The following TET2 variants were observed in gnomAD, a reference collection of about 807,000 sequenced individuals.
The protein encoded by TET2 is tet methylcytosine dioxygenase 2.
In TET2, 299 loss-of-function variants were observed where a neutral mutation model predicts 142.9. The ratio of observed to expected loss-of-function variants is 2.09; its 90% CI spans 1.90 to 2.30. TET2 has a LOEUF of 2.30. TET2 is among the 30% of genes most tolerant of loss of function. The probability of loss-of-function intolerance (pLI) is 0.00; values close to 1 mark genes in which losing one functional copy is unlikely to be tolerated. For synonymous variants in TET2, 819 were observed against 849.0 expected, an observed-to-expected ratio of 0.96 and a Z score of 0.61; for missense variants, 2,418 against 2,378.0, an observed-to-expected ratio of 1.02 and a Z score of -0.35.
chr4:105,155,541 G>A (rs550620171), intron 1 of TET2, among the ~76,000 whole-genome samples: 1 of 152,322 alleles, frequency 6.6e-6, no homozygotes, highest in East Asian at 1.9e-4. Flanking sequence ...CACACAGGGT[G>A]AATTACTTGG....
chr4:105,183,854 T>C (rs1168087516), intron 1 of TET2, among the ~76,000 whole-genome samples: 1 of 152,226 alleles, frequency 6.6e-6, no homozygotes, highest in Non-Finnish European at 1.5e-5. Flanking sequence ...CAAGTTACCT[T>C]TCTTTGCCCC....
intron 9 of TET2, among the ~76,000 whole-genome samples, chr4:105,271,651 C>T (rs1730969407): frequency 6.6e-6 from 1 of 152,202 alleles, no homozygotes; most frequent in South Asian, 2.1e-4. Flanking sequence ...ATTGTGATCA[C>T]ATTTCTCTCA....
chr4:105,211,430 A>G (rs1727153304), intron 2 of TET2, among the ~76,000 whole-genome samples: 1 of 152,206 alleles, frequency 6.6e-6, no homozygotes, highest in South Asian at 2.1e-4. Flanking sequence ...GTTAAAGATA[A>G]ATAAATAAAT....
At chr4:105,190,548 A>G in intron 2 of TET2, 43 bp downstream of exon 2, 1 of 694,338 alleles carries the variant, frequency 1.4e-6, no homozygotes. Context: ...TCAAGTATGA[A>G]TTTATTCCTA....
rs1393519636 is a variant in TET2 at position 105,151,196 on chromosome 4, C to G, written c.-193+4217C>G. On this transcript the variant is annotated intron_variant, in intron 1 of 10. Coordinates refer to ENST00000380013, the MANE Select transcript of TET2 (RefSeq NM_001127208.3). ...GTTAGTGGGGCATGGTGGTACATTC[C>G]TGTAGTCCCAGCTACTCAGGAGACT... Among the ~76,000 whole-genome samples, 6 of 151,984 alleles carry G rather than the reference C, an allele frequency of 3.9e-5. No individual in the cohort carries two copies. The South Asian group carries it at 1.2e-3, about 32-fold the overall frequency.
At chr4:105,163,528 A>C (rs1442262699) in intron 1 of TET2, among the ~76,000 whole-genome samples, 1 of 152,200 alleles carries the variant, frequency 6.6e-6, no homozygotes, top group African/African-American at 2.4e-5. Context: ...ACTATTGATT[A>C]AGTTCTTATG....
chr4:105,175,291 A>G (rs562293885), intron 1 of TET2, among the ~76,000 whole-genome samples: 1 of 152,300 alleles, frequency 6.6e-6, no homozygotes, highest in South Asian at 2.1e-4. Context: ...CAGAAACTTT[A>G]TAAAAAACTA....
At chr4:105,163,828 AGAGAGAGAGAGAGAGAGAGAGAGAGAGT>A (rs1241223663) in intron 1 of TET2, among the ~76,000 whole-genome samples, 20 of 133,060 alleles carry the variant, frequency 1.5e-4, no homozygotes, top group Non-Finnish European at 2.6e-4. Context: ...AGAGAGAGAG[AGAGAGAGAGAGAGAGAGAGAGAGAGAGT>A]GTGTGTGTGT....
At chr4:105,196,129 A>G (rs777847015) in intron 2 of TET2, among the ~76,000 whole-genome samples, 4 of 151,576 alleles carry the variant, frequency 2.6e-5, no homozygotes, top group Admixed American at 6.6e-5. Context: ...CACCACTTCC[A>G]TAAATTATTT....
chr4:105,240,831 G>A, intron 3 of TET2: 1 of 1,078,856 alleles, frequency 9.3e-7, no homozygotes, highest in Non-Finnish European at 1.1e-6. Flanking sequence ...ATTCTTATTT[G>A]CAAAACAGCA....
chr4:105,164,100 C>T (rs749960274), intron 1 of TET2, among the ~76,000 whole-genome samples: 1 of 152,176 alleles, frequency 6.6e-6, no homozygotes, highest in African/African-American at 2.4e-5. Flanking sequence ...ACAGTACTAA[C>T]TGTAGTCACC....
intron 1 of TET2, among the ~76,000 whole-genome samples, chr4:105,187,210 G>A (rs1026334688): frequency 3.9e-5 from 6 of 152,072 alleles, no homozygotes; most frequent in African/African-American, 1.4e-4. Flanking sequence ...ATAAAAACAA[G>A]TTCTATAAAG....
chr4:105,234,402 G>C lies in TET2; in HGVS notation c.460G>C (p.Val154Leu), dbSNP rs1452166356. 2 of 1,613,944 alleles carry C rather than the reference G, an allele frequency of 1.2e-6. No homozygotes were observed. The highest frequency in any genetic ancestry group is 2.7e-5 in the African/African-American group (2 of 74,922). The change falls in exon 3 of 11, where the codon GTA (valine) becomes CTA (leucine). Residue 154 changes from valine (V) to leucine (L), a missense_variant. Val to Leu is a conservative substitution (Grantham distance 32, BLOSUM62 1). Coordinates refer to ENST00000380013, the MANE Select transcript of TET2 (RefSeq NM_001127208.3). The stretch of plus-strand genomic sequence containing the variant: ...TGATAAGAAAGAATCTGTGAGTTCT[G>C]TAGCCCAAGAAAATGCAGTTAAAGA... ...LSDKKESVSS[V>L]AQENAVKDFT...
intron 8 of TET2, among the ~76,000 whole-genome samples, chr4:105,267,601 C>CA (rs1371864780): frequency 3.9e-4 from 55 of 140,162 alleles, no homozygotes; most frequent in African/African-American, 1.3e-3. Flanking sequence ...GAAATCAATC[C>CA]AAAAATGTTT....
chr4:105,189,597 C>G (rs1331006715), intron 1 of TET2, among the ~76,000 whole-genome samples: 1 of 152,166 alleles, frequency 6.6e-6, no homozygotes, highest in Non-Finnish European at 1.5e-5. Context: ...GTGGACTTCT[C>G]TCATGTTTTT....
chr4:105,246,278 A>AC (rs1023065870), intron 6 of TET2, among the ~76,000 whole-genome samples: 2 of 151,866 alleles, frequency 1.3e-5, no homozygotes, highest in African/African-American at 2.4e-5. Flanking sequence ...TGACATATAA[A>AC]AAATTACATG....
At position 105,275,162 on chromosome 4, in the gene TET2, ACC is replaced by A; in HGVS notation, c.4654_4655del (p.Pro1552SerfsTer25). The A allele has an allele frequency of 6.4e-7, 1 of 1,551,970 alleles. No individual in the cohort carries two copies. The highest frequency in any genetic ancestry group is 8.7e-7 in the Non-Finnish European group (1 of 1,147,040). ...AGACCCCAGCAGCAGCAGCCACATC[ACC>A]CTCAGACAGAGTCTGTCAACTCTTA... On this transcript the variant is annotated frameshift_variant, in exon 11 of 11. Transcript: ENST00000380013. LOFTEE classifies it low-confidence loss of function (END_TRUNC).
At chr4:105,157,761 C>A (rs1723639322) in intron 1 of TET2, among the ~76,000 whole-genome samples, 1 of 152,132 alleles carries the variant, frequency 6.6e-6, no homozygotes, top group South Asian at 2.1e-4. Context: ...ACTGCAGCCT[C>A]CTCCTTCTGG....
rs2110220045 is a variant in TET2, at chr4:105,234,150, C to T, written c.208C>T (p.Gln70Ter). The change falls in exon 3 of 11, where the codon CAG becomes TAG. Residue 70 changes from glutamine (Q) to a stop codon, truncating the protein, a stop_gained. Transcript: ENST00000380013. LOFTEE classifies it high-confidence loss of function. ...YYGIPCMKGS[Q>*]NSRVSPDFTQ... Reference sequence around the variant, plus strand: ...TGGAATACCCTGTATGAAGGGAAGCCAGAATAGTCGTGTGAGTCCTGACTT... The same window carrying T: ...TGGAATACCCTGTATGAAGGGAAGCTAGAATAGTCGTGTGAGTCCTGACTT... 6.2e-7 allele frequency: 1 copy of T among 1,614,128 alleles called. No homozygotes were observed. Among genetic ancestry groups the T allele is most frequent in the African/African-American group, 1.3e-5 (1 of 75,042 alleles).
Sources: allele counts gnomAD v4.1 joint callset (sites outside exome capture counted in the v4.1 genomes callset), GRCh38; gene constraint gnomAD v4.1.1; transcripts MANE v1.5; gene names NCBI Gene and HGNC (gene_info 2026-07-23, HGNC 2026-07-21).